The following LARGE1 variants were observed in gnomAD, a reference collection of about 807,000 sequenced individuals.
LARGE1 encodes xylosyl- and glucuronyltransferase LARGE1.
In LARGE1, 43 loss-of-function variants were observed where a neutral mutation model predicts 87.6. That is an observed-to-expected ratio of 0.49 (90% CI 0.38 to 0.63). The LOEUF (loss-of-function observed/expected upper bound fraction) is 0.63, where lower values mean the gene tolerates loss of function less well. LARGE1 is among the 30% of genes least tolerant of loss of function. The pLI, the probability that LARGE1 is intolerant of heterozygous loss-of-function variation, is 0.00. For missense variants in LARGE1, 802 were observed against 1,000.2 expected (o/e 0.80, Z 2.67); for synonymous variants, 434 against 394.6 (o/e 1.10, Z -1.18).
At chr22:33,156,261 C>G in the LARGE1 span, among the ~76,000 whole-genome samples, 3 of 152,156 alleles carry the variant, frequency 2.0e-5, no homozygotes, top group Non-Finnish European at 2.9e-5. Context: ...CCACCAACAG[C>G]TTGCACTGTG....
chr22:33,241,365 T>C (rs373951388), intron 11 of LARGE1, among the ~76,000 whole-genome samples: 1 of 152,094 alleles, frequency 6.6e-6, no homozygotes, highest in African/African-American at 2.4e-5. Flanking sequence ...ATGACAACAG[T>C]TGGCAATTCC....
intron 6 of LARGE1, among the ~76,000 whole-genome samples, chr22:33,443,970 C>T (rs1168881267): frequency 1.3e-5 from 2 of 152,210 alleles, no homozygotes; most frequent in Non-Finnish European, 1.5e-5. Flanking sequence ...TTGGATTTGT[C>T]TTTTTTAAAA....
chr22:33,787,891 T>G (rs2085701739), intron 1 of LARGE1, among the ~76,000 whole-genome samples: 1 of 152,220 alleles, frequency 6.6e-6, no homozygotes, highest in African/African-American at 2.4e-5. Flanking sequence ...TTATAGAGAA[T>G]GACATAAACT....
intron 1 of LARGE1, among the ~76,000 whole-genome samples, chr22:33,839,844 A>G (rs1487276307): frequency 6.6e-6 from 1 of 152,230 alleles, no homozygotes. Context: ...ACTTTCATGC[A>G]TGCCTACTAC....
At chr22:33,543,507 T>C (rs1383621695) in intron 6 of LARGE1, among the ~76,000 whole-genome samples, 2 of 152,204 alleles carry the variant, frequency 1.3e-5, no homozygotes, top group Admixed American at 1.3e-4. Context: ...AAAGGCCCTG[T>C]CAATAAGGAG....
chr22:33,105,165 T>A, the LARGE1 span, among the ~76,000 whole-genome samples: 1 of 150,102 alleles, frequency 6.7e-6, no homozygotes, highest in African/African-American at 2.4e-5. Flanking sequence ...GCCCCGCTAT[T>A]TTTTTTTTGC....
intron 5 of LARGE1, among the ~76,000 whole-genome samples, chr22:33,587,772 C>T (rs1204288190): frequency 1.3e-5 from 2 of 151,432 alleles, no homozygotes; most frequent in Non-Finnish European, 2.9e-5. Context: ...ACACAGAAAC[C>T]TTCCTCATTC....
intron 2 of LARGE1, among the ~76,000 whole-genome samples, chr22:33,669,451 G>A (rs1603069062): frequency 6.6e-6 from 1 of 152,186 alleles, no homozygotes; most frequent in African/African-American, 2.4e-5. Context: ...ATAGGGATAA[G>A]GCAAAACTAA....
chr22:33,852,912 T>A (rs1057102160), intron 1 of LARGE1, among the ~76,000 whole-genome samples: 1 of 129,614 alleles, frequency 7.7e-6, no homozygotes, highest in Admixed American at 7.5e-5. Flanking sequence ...TGATAAGTGC[T>A]ATGAAAATAA....
At position 33,566,479 on chromosome 22, in the gene LARGE1, C is replaced by T. The variant is rs150138853; in HGVS notation, c.616-1460G>A. 3.5e-4 allele frequency among the ~76,000 whole-genome samples: 53 copies of T among 152,212 alleles called. No homozygotes were observed. The East Asian group carries it at 4.0e-3, about 12-fold the overall frequency. On this transcript the variant is annotated intron_variant, in intron 5 of 14. Transcript: ENST00000397394. ...AACTGTGTGCGGAGCTGGCTCCTTC[C>T]GGGGGGTTCTTGGTCTCGCTGACTT...
At chr22:33,650,818 C>G (rs1404221940) in intron 2 of LARGE1, 150 bp from the exon 3 acceptor site, 4 of 869,344 alleles carry the variant, frequency 4.6e-6, no homozygotes, top group Admixed American at 4.3e-5. Flanking sequence ...TACAAATAAA[C>G]GCATCCAGAT....
chr22:33,158,697 T>C (rs1356559436), downstream of LARGE1, among the ~76,000 whole-genome samples: 2 of 152,194 alleles, frequency 1.3e-5, no homozygotes, highest in African/African-American at 4.8e-5. Context: ...TACAAGTAAC[T>C]ATCCAAAGTA....
chr22:33,723,234 C>A (rs1325005072), intron 2 of LARGE1, among the ~76,000 whole-genome samples: 5 of 152,226 alleles, frequency 3.3e-5, no homozygotes, highest in South Asian at 4.2e-4. Context: ...ATGAAGCTCT[C>A]GTTAAAAAGA....
At chr22:33,647,998 C>A (rs563919371) in intron 3 of LARGE1, among the ~76,000 whole-genome samples, 3 of 152,244 alleles carry the variant, frequency 2.0e-5, no homozygotes, top group African/African-American at 7.2e-5. Flanking sequence ...ACCCTGTGAT[C>A]CACCCACCTC....
intron 3 of LARGE1, 59 bp from the exon 4 acceptor site, chr22:33,626,385 G>T: frequency 1.5e-6 from 2 of 1,362,304 alleles, no homozygotes; most frequent in Non-Finnish European, 1.0e-6. Context: ...CCTTCCTGGT[G>T]CTTCAGATCA....
chr22:33,514,291 C>CAT (rs1034154906), intron 6 of LARGE1, among the ~76,000 whole-genome samples: 12 of 151,808 alleles, frequency 7.9e-5, no homozygotes, highest in African/African-American at 2.7e-4. Context: ...TCCACACACA[C>CAT]ACACACACAC....
chr22:33,153,332 C>G, the LARGE1 span, among the ~76,000 whole-genome samples: 3 of 152,146 alleles, frequency 2.0e-5, no homozygotes, highest in African/African-American at 7.2e-5. Flanking sequence ...CAAGCTTTCA[C>G]TGACTTTTTA....
chr22:33,602,202 A>G (rs940729823), intron 5 of LARGE1, among the ~76,000 whole-genome samples: 8 of 152,212 alleles, frequency 5.3e-5, no homozygotes, highest in African/African-American at 1.4e-4. Context: ...TGAGAGAACC[A>G]AGGTTCAAAA....
Position 33,569,911 on chromosome 22 carries a change from G to C in LARGE1, c.616-4892C>G, listed in dbSNP as rs534289571. On this transcript the variant is annotated intron_variant, in intron 5 of 14. Transcript: ENST00000397394. ...AGTAATTATTCAAAAACTGTTTGAT[G>C]AATGTGCATGACTACGGAGTCAGCC... 7.9e-5 allele frequency among the ~76,000 whole-genome samples: 12 copies of C among 152,358 alleles called. No individual in the cohort carries two copies. The South Asian group carries it at 2.5e-3, about 32-fold the overall frequency.
Sources: allele counts gnomAD v4.1 joint callset (sites outside exome capture counted in the v4.1 genomes callset), GRCh38; gene constraint gnomAD v4.1.1; transcripts MANE v1.5; gene names NCBI Gene and HGNC (gene_info 2026-07-23, HGNC 2026-07-21).